Variants in MYO18A observed in about 807,000 individuals in gnomAD.
MYO18A encodes myosin XVIIIA, also known as unconventional myosin-XVIIIa.
Under a neutral mutation model 235.8 loss-of-function variants are expected in MYO18A, and 78 were observed. The ratio of observed to expected loss-of-function variants is 0.33; its 90% CI spans 0.28 to 0.40. MYO18A has a LOEUF of 0.40. Among genes scored for constraint, MYO18A ranks in the 10% least tolerant of loss-of-function variants. The pLI, the probability that MYO18A is intolerant of heterozygous loss-of-function variation, is 1.00. For synonymous variants in MYO18A, 977 were observed against 1,077.8 expected, an observed-to-expected ratio of 0.91 and a Z score of 1.83; for missense variants, 2,215 against 2,699.3, an observed-to-expected ratio of 0.82 and a Z score of 3.98.
intron 41 of MYO18A, among the ~76,000 whole-genome samples, chr17:29,081,569 G>C (rs551020564): frequency 1.2e-4 from 17 of 147,286 alleles, no homozygotes; most frequent in African/African-American, 4.2e-4. Context: ...TGTCCTGGAG[G>C]ATCAGGATGG....
intron 21 of MYO18A, among the ~76,000 whole-genome samples, chr17:29,103,194 A>C (rs1598305042): frequency 6.6e-6 from 1 of 151,640 alleles, no homozygotes; most frequent in Non-Finnish European, 1.5e-5. Flanking sequence ...GCCCCAGATA[A>C]CTCTCCACAG....
chr17:29,097,731 T>C, intron 26 of MYO18A, 57 bp downstream of exon 26: 5 of 1,460,610 alleles, frequency 3.4e-6, no homozygotes, highest in South Asian at 1.2e-5. Flanking sequence ...TACCCAGGGG[T>C]GGGCATCAGG....
At chr17:29,088,822 G>A (rs1486257265) in intron 37 of MYO18A, among the ~76,000 whole-genome samples, 1 of 152,134 alleles carries the variant, frequency 6.6e-6, no homozygotes, top group Non-Finnish European at 1.5e-5. Flanking sequence ...CGGATTGCTT[G>A]AGCCCAGAAG....
At chr17:29,110,190 A>G (rs2279959) in intron 18 of MYO18A, 89 bp from the exon 19 acceptor site, 808,645 of 1,525,454 alleles carry the variant, frequency 0.53, 219,040 homozygotes, top group East Asian at 0.89. Flanking sequence ...CACTGCTCAC[A>G]GGGTAGCAGC....
At chr17:29,092,696 A>G (rs1342890079) in intron 33 of MYO18A, among the ~76,000 whole-genome samples, 159 bp downstream of exon 33, 1 of 152,168 alleles carries the variant, frequency 6.6e-6, no homozygotes, top group Non-Finnish European at 1.5e-5. Flanking sequence ...AGGCACACGC[A>G]GAGCCTGGGG....
chr17:29,095,648 G>A (rs1470443871), intron 28 of MYO18A, among the ~76,000 whole-genome samples: 1 of 152,206 alleles, frequency 6.6e-6, no homozygotes, highest in Non-Finnish European at 1.5e-5. Context: ...AGGGGGCCTC[G>A]TTCTTCACTC....
intron 21 of MYO18A, among the ~76,000 whole-genome samples, chr17:29,100,837 CT>C (rs1456207171): frequency 6.6e-6 from 1 of 152,220 alleles, no homozygotes; most frequent in Non-Finnish European, 1.5e-5. Context: ...AGGGCCTAAA[CT>C]TTCTGCTGAG....
Position 29,121,172 on chromosome 17 carries a change from C to T in MYO18A, c.1411G>A (p.Ala471Thr), listed in dbSNP as rs776285402. Residue 471 changes from alanine to threonine, a missense_variant, in exon 6 of 42, where the codon GCA (alanine) becomes ACA (threonine). Physicochemically the swap from Ala to Thr is moderately conservative, Grantham distance 58. Coordinates refer to ENST00000527372, the MANE Select transcript of MYO18A (RefSeq NM_078471.4). This position sits in a 1 kb window ranked among gnomAD's most constrained non-coding sequence, Gnocchi z 4.2. ...TGGGCCACTGCATAGATGTGGGGTG[C>T]CATGTCCTCCCGCCGACAACCCTTG... Reference protein sequence around the residue: ...MFKGCRREDMAPHIYAVAQTA... With the variant: ...MFKGCRREDMTPHIYAVAQTA... 6 of 1,609,770 alleles carry T rather than the reference C, an allele frequency of 3.7e-6. No individual in the cohort carries two copies. The African/African-American group carries it at 8.0e-5, about 22-fold the overall frequency.
At chr17:29,128,273 T>C in intron 2 of MYO18A, 1 of 1,179,824 alleles carries the variant, frequency 8.5e-7, no homozygotes, top group Non-Finnish European at 1.1e-6. Context: ...CTCGGGGGAC[T>C]TGACTCCTCT....
At chr17:29,142,201 G>C (rs182041619) in intron 2 of MYO18A, among the ~76,000 whole-genome samples, 1 of 152,196 alleles carries the variant, frequency 6.6e-6, no homozygotes, top group African/African-American at 2.4e-5. Flanking sequence ...CAGAGTGCTG[G>C]AATTACAGGC....
rs373536980 is a variant in MYO18A at position 29,123,635 on chromosome 17, G to A, written c.1000-1382C>T. Reference sequence around the variant, plus strand: ...CTGCACCAGTGGCTCCCAGATCTCCGGGTTTCATGGACCCATGAAATAACT... The same window carrying A: ...CTGCACCAGTGGCTCCCAGATCTCCAGGTTTCATGGACCCATGAAATAACT... On this transcript the variant is annotated intron_variant, in intron 2 of 41. Transcript: ENST00000527372. 7.2e-5 allele frequency among the ~76,000 whole-genome samples: 11 copies of A among 152,330 alleles called. No homozygotes were observed. In the South Asian group the frequency reaches 1.7e-3, roughly 23 times the overall value.
chr17:29,129,992 C>A (rs1322109162), intron 2 of MYO18A, among the ~76,000 whole-genome samples: 2 of 152,218 alleles, frequency 1.3e-5, no homozygotes, highest in African/African-American at 4.8e-5. Context: ...CATCCCCCTT[C>A]CATCATTAAG....
chr17:29,135,145 G>A (rs936420028), intron 2 of MYO18A, among the ~76,000 whole-genome samples: 2 of 151,592 alleles, frequency 1.3e-5, no homozygotes, highest in Non-Finnish European at 2.9e-5. Flanking sequence ...CTATCACCCA[G>A]GCTGGAGTAC....
In MYO18A at chr17:29,073,736, G is replaced by T; in HGVS notation, c.*1034C>A. On this transcript the variant is annotated 3_prime_UTR_variant, in exon 42 of 42. Coordinates refer to ENST00000527372, the MANE Select transcript of MYO18A (RefSeq NM_078471.4). ...CCACATGGTGTTGTGTCTGGGATAA[G>T]TGTGTGGGGGCAGGGAGGTTGGAAG... 1 of 1,053,408 alleles carries T rather than the reference G, an allele frequency of 9.5e-7. No individual in the cohort carries two copies. Among genetic ancestry groups the T allele is most frequent in the Non-Finnish European group, 1.4e-6 (1 of 716,632 alleles). The allele number at this position is 1,053,408 out of a possible 1,614,324, so 65.3% of individuals were successfully genotyped here.
At chr17:29,107,927 A>T (rs1401709629) in intron 19 of MYO18A, among the ~76,000 whole-genome samples, 1 of 151,714 alleles carries the variant, frequency 6.6e-6, no homozygotes, top group Non-Finnish European at 1.5e-5. Flanking sequence ...AAAAAAAAAA[A>T]AAAAAAAGGC....
intron 2 of MYO18A, among the ~76,000 whole-genome samples, chr17:29,147,569 A>G (rs2067874791): frequency 6.6e-6 from 1 of 151,538 alleles, no homozygotes; most frequent in Non-Finnish European, 1.5e-5. Flanking sequence ...ACAGGATGCA[A>G]GAGGAGGAGA....
In MYO18A at chr17:29,093,341, G is replaced by A. The variant is rs764887839; in HGVS notation, c.4908C>T (p.Leu1636=). 6.2e-6 allele frequency: 10 copies of A among 1,611,936 alleles called. No homozygotes were observed. Among genetic ancestry groups the A allele is most frequent in the South Asian group, 4.4e-5 (4 of 90,930 alleles). The change falls in exon 32 of 42, where the codon CTC becomes CTT. Residue 1636 remains leucine, a synonymous_variant. Transcript: ENST00000527372. The part of the protein sequence containing the change: ...LREKRELEGK[L]ATLSDQVNRR... ...CCCTGACCTGGTCGCTGAGGGTGGCGAGCTTGCCCTCCAGCTCCCGCTTCT... is the reference window on the plus strand; with the variant it reads ...CCCTGACCTGGTCGCTGAGGGTGGCAAGCTTGCCCTCCAGCTCCCGCTTCT...
At chr17:29,078,029 T>G (rs2066026267) in intron 41 of MYO18A, 1 of 152,148 alleles carries the variant, frequency 6.6e-6, no homozygotes, top group Non-Finnish European at 1.5e-5. Flanking sequence ...TATATATATT[T>G]TTTGAGATGG....
rs1398708101 is a variant in MYO18A at position 29,161,039 on chromosome 17, G to A, written c.999+4903C>T. On this transcript the variant is annotated intron_variant, in intron 2 of 41. Transcript: ENST00000527372. ...TTGAGACCAGCCTGGGCAACATGGT[G>A]AAACCCTGTCTCTAATAAAATATAC... Among the ~76,000 whole-genome samples the A allele has an allele frequency of 5.3e-5, 8 of 152,214 alleles. No individual in the cohort carries two copies. In the East Asian group the frequency reaches 1.5e-3, roughly 29 times the overall value.
Sources: gnomAD v4.1 joint callset for allele counts (sites outside exome capture counted in the v4.1 genomes callset) on GRCh38, gnomAD v4.1.1 for gene constraint, Gnocchi (gnomAD v3.1) non-coding constraint, MANE v1.5 for transcripts, NCBI Gene and HGNC (gene_info 2026-07-23, HGNC 2026-07-21) for gene names.